KICS2: variants seen among roughly 807,000 people sequenced by gnomAD.
KICS2 encodes the protein KICSTOR complex protein C12orf66.
KICS2 carries 13 observed loss-of-function variants against 31.4 expected under a neutral mutation model. That is an observed-to-expected ratio of 0.41 (90% CI 0.27 to 0.66). The LOEUF (loss-of-function observed/expected upper bound fraction) is 0.66, where lower values mean the gene tolerates loss of function less well. Ranked by LOEUF, KICS2 falls within the 30% of genes least tolerant of loss-of-function variation. The probability of loss-of-function intolerance (pLI) is 0.28; values close to 1 mark genes in which losing one functional copy is unlikely to be tolerated. For missense variants in KICS2, 455 were observed against 545.4 expected (o/e 0.83, Z 1.65); for synonymous variants, 209 against 214.8 (o/e 0.97, Z 0.24).
chr12:64,198,598 A>C (rs1223522502), intron 2 of KICS2, among the ~76,000 whole-genome samples: 2 of 28,534 alleles, frequency 7.0e-5, no homozygotes, highest in East Asian at 2.3e-3. Flanking sequence ...AAATAACTAA[A>C]ATCAGAGCAG....
intron 2 of KICS2, among the ~76,000 whole-genome samples, chr12:64,194,989 G>A (rs1313778943): frequency 6.6e-6 from 1 of 150,610 alleles, no homozygotes; most frequent in African/African-American, 2.4e-5. Context: ...TGTCACCCAG[G>A]CTGGAGTGCA....
chr12:64,208,900 T>C (rs1335725393), intron 2 of KICS2, among the ~76,000 whole-genome samples: 1 of 152,134 alleles, frequency 6.6e-6, no homozygotes, highest in African/African-American at 2.4e-5. Context: ...AGTTTTGATT[T>C]AGGAGAGTAA....
At position 64,194,433 on chromosome 12, in the gene KICS2, C is replaced by T. The variant is rs751158955; in HGVS notation, c.747G>A (p.Val249=). The change falls in exon 3 of 3, where the codon GTG becomes GTA. Residue 249 remains valine, a synonymous_variant. Coordinates refer to ENST00000398055, the MANE Select transcript of KICS2 (RefSeq NM_152440.5). Reference sequence around the variant, plus strand: ...GCCAAAGGAAAAGGTGTGGAGGCTGCACGGCCTTCTGAGACTGCCCTCCAA... The same window carrying T: ...GCCAAAGGAAAAGGTGTGGAGGCTGTACGGCCTTCTGAGACTGCCCTCCAA... ...HLFGGQSQKA[V]QPPHLFLWLM... The T allele has an allele frequency of 6.2e-7, 1 of 1,614,176 alleles. No homozygotes were observed. The highest frequency in any genetic ancestry group is 1.1e-5 in the South Asian group (1 of 91,082).
chr12:64,188,460 T>C (rs1042626819), downstream of KICS2, among the ~76,000 whole-genome samples: 15 of 151,272 alleles, frequency 9.9e-5, no homozygotes, highest in African/African-American at 3.4e-4. Flanking sequence ...GAGGCAGAGG[T>C]TGCAGTGAGC....
intron 2 of KICS2, 110 bp downstream of exon 2, chr12:64,215,568 T>C: frequency 2.0e-6 from 2 of 981,530 alleles, no homozygotes; most frequent in Non-Finnish European, 2.9e-6. Context: ...AGTTATTTAT[T>C]TCACAGTTAT....
chr12:64,187,424 G>A (rs143668960), downstream of KICS2: 930 of 562,120 alleles, frequency 1.7e-3, 8 homozygotes, highest in African/African-American at 0.015. Flanking sequence ...CATACCCTAC[G>A]GTTTTAAATT....
chr12:64,212,552 C>T lies in KICS2; in HGVS notation c.521+3126G>A, dbSNP rs552013369. Among the ~76,000 whole-genome samples the T allele has an allele frequency of 6.6e-5, 10 of 152,262 alleles. No homozygotes were observed. The East Asian group carries it at 1.9e-3, about 29-fold the overall frequency. ...AATAATATTCCATCATATGGATATA[C>T]CACATTTATTTATCCATTCATCCAT... On this transcript the variant is annotated intron_variant, in intron 2 of 2. Coordinates refer to ENST00000398055, the MANE Select transcript of KICS2 (RefSeq NM_152440.5).
intron 2 of KICS2, 78 bp downstream of exon 2, chr12:64,215,600 A>G (rs2037620285): frequency 8.3e-7 from 1 of 1,211,242 alleles, no homozygotes; most frequent in Non-Finnish European, 1.2e-6. Context: ...TTTTCATAAG[A>G]GTGTGGAGAA....
At chr12:64,206,094 T>A (rs1216112421) in intron 2 of KICS2, among the ~76,000 whole-genome samples, 1 of 152,170 alleles carries the variant, frequency 6.6e-6, no homozygotes, top group Non-Finnish European at 1.5e-5. Flanking sequence ...AATTTTTAAA[T>A]TTTTTTGTAG....
rs754820200 is a variant in KICS2, at chr12:64,215,816, T to C, written c.383A>G (p.Gln128Arg). 5.6e-6 allele frequency: 9 copies of C among 1,614,122 alleles called. No individual in the cohort carries two copies. The highest frequency in any genetic ancestry group is 4.5e-5 in the East Asian group (2 of 44,876). The change falls in exon 2 of 3, where the codon CAG (glutamine) becomes CGG (arginine). Residue 128 changes from glutamine to arginine, a missense_variant. By Grantham distance (43) the Gln-to-Arg change is conservative. Transcript: ENST00000398055. ...CCGAGCCTGAACAAAGAAGCAGAGCTGCTCTGACAGGTGGGAAAGGAGTTC... is the reference window on the plus strand; with the variant it reads ...CCGAGCCTGAACAAAGAAGCAGAGCCGCTCTGACAGGTGGGAAAGGAGTTC... Reference protein sequence around the residue: ...VEELLSHLSEQLCFFVQARME... With the variant: ...VEELLSHLSERLCFFVQARME...
At chr12:64,187,442 C>T (rs73323073), downstream of KICS2, 508 of 598,180 alleles carry the variant, frequency 8.5e-4, 7 homozygotes, top group African/African-American at 3.8e-3. Flanking sequence ...ATTTGAAGTA[C>T]CCTAGAAACA....
intron 2 of KICS2, among the ~76,000 whole-genome samples, chr12:64,215,271 T>C (rs1419991075): frequency 2.0e-5 from 3 of 152,102 alleles, no homozygotes; most frequent in African/African-American, 7.2e-5. Context: ...GAGATCATGC[T>C]ACTGCACTCC....
At chr12:64,209,165 T>C (rs987138077) in intron 2 of KICS2, among the ~76,000 whole-genome samples, 4 of 152,150 alleles carry the variant, frequency 2.6e-5, no homozygotes, top group African/African-American at 9.6e-5. Flanking sequence ...TTCCGCTAAA[T>C]GGCACACAAT....
intron 2 of KICS2, among the ~76,000 whole-genome samples, chr12:64,195,325 C>CCTAA (rs2037423470): frequency 6.6e-6 from 1 of 152,074 alleles, no homozygotes; most frequent in South Asian, 2.1e-4. Context: ...CCTAAAGAGG[C>CCTAA]AGAGGTAAAA....
At position 64,193,893 on chromosome 12, in the gene KICS2, G is replaced by A. The variant is rs1476478103; in HGVS notation, c.1287C>T (p.Ala429=). Residue 429 remains alanine, a synonymous_variant, in exon 3 of 3, where the codon GCC becomes GCT. Coordinates refer to ENST00000398055, the MANE Select transcript of KICS2 (RefSeq NM_152440.5). ...FISFLNEVSL[A]LKNPKVFASL... ...TTGCAAACACTTTGGGGTTCTTAAG[G>A]GCAAGTGAGACCTCATTGAGGAAGG... 2.5e-6 allele frequency: 4 copies of A among 1,614,070 alleles called. No individual in the cohort carries two copies. The Admixed American group carries it at 6.7e-5, about 27-fold the overall frequency.
chr12:64,217,706 T>A (rs1041838930), intron 1 of KICS2, among the ~76,000 whole-genome samples: 8 of 151,560 alleles, frequency 5.3e-5, no homozygotes, highest in Admixed American at 5.3e-4. Flanking sequence ...GAGGCTGAGG[T>A]AGGAGAATCG....
At chr12:64,190,387 T>C (rs181325041), downstream of KICS2, among the ~76,000 whole-genome samples, 1,216 of 152,290 alleles carry the variant, frequency 8.0e-3, 18 homozygotes, top group African/African-American at 0.027. Flanking sequence ...AACAAAATTG[T>C]GAGTCTGCTT....
intron 2 of KICS2, among the ~76,000 whole-genome samples, chr12:64,203,817 C>T (rs1565717036): frequency 6.6e-6 from 1 of 152,156 alleles, no homozygotes; most frequent in African/African-American, 2.4e-5. Context: ...ATGTGAAAAA[C>T]ACACATTGCT....
chr12:64,195,678 C>T (rs1445682219), intron 2 of KICS2, among the ~76,000 whole-genome samples: 2 of 152,226 alleles, frequency 1.3e-5, no homozygotes, highest in African/African-American at 2.4e-5. Context: ...TCTGCATTTC[C>T]ATCTGAGGTA....
Sources: gnomAD v4.1 joint callset for allele counts (sites outside exome capture counted in the v4.1 genomes callset) on GRCh38, gnomAD v4.1.1 for gene constraint, MANE v1.5 for transcripts, NCBI Gene and HGNC (gene_info 2026-07-23, HGNC 2026-07-21) for gene names.